The following UNC13B variants were observed in gnomAD, a reference collection of about 807,000 sequenced individuals.
The protein encoded by UNC13B is unc-13 homolog B.
Under a neutral mutation model 211.0 loss-of-function variants are expected in UNC13B, and 144 were observed. The ratio of observed to expected loss-of-function variants is 0.68; its 90% confidence interval spans 0.60 to 0.78. The LOEUF (loss-of-function observed/expected upper bound fraction) is 0.78. UNC13B is among the 30% of genes least tolerant of loss of function. The pLI, the probability that UNC13B is intolerant of heterozygous loss-of-function variation, is 0.00. For missense variants in UNC13B, 1,777 were observed against 2,002.0 expected, an observed-to-expected ratio of 0.89 and a Z score of 2.14; for synonymous variants, 709 against 725.8, an observed-to-expected ratio of 0.98 and a Z score of 0.37.
chr9:35,199,867 G>T (rs1284897257), intron 1 of UNC13B, among the ~76,000 whole-genome samples: 2 of 152,142 alleles, frequency 1.3e-5, no homozygotes, highest in South Asian at 2.1e-4. Context: ...TGTCAATTTT[G>T]GCTTTTGTTG....
At chr9:35,242,473 G>A (rs942972436) in intron 5 of UNC13B, among the ~76,000 whole-genome samples, 5 of 152,058 alleles carry the variant, frequency 3.3e-5, no homozygotes, top group South Asian at 2.1e-4. Flanking sequence ...CACTGGCAAC[G>A]ACCATTCTTT....
At chr9:35,356,910 G>T (rs764298629) in intron 11 of UNC13B, among the ~76,000 whole-genome samples, 10 of 152,156 alleles carry the variant, frequency 6.6e-5, no homozygotes, top group Non-Finnish European at 1.0e-4. Context: ...GGATGCTGTA[G>T]CATGTATCAG....
In UNC13B at chr9:35,167,358, C is replaced by T. The variant is rs561837203; in HGVS notation, c.22+5053C>T. Among the ~76,000 whole-genome samples the T allele has an allele frequency of 5.3e-5, 8 of 152,162 alleles. No individual in the cohort carries two copies. The East Asian group carries it at 1.2e-3, about 22-fold the overall frequency. ...AAAGTGCTGAGATTACAGGCATGAG[C>T]GCCTGGCCAGTGTTAATGTATTTTA... On this transcript the variant is annotated intron_variant, in intron 1 of 39. Coordinates refer to ENST00000635942, the MANE Select transcript of UNC13B (RefSeq NM_001371189.2).
At chr9:35,296,200 T>C (rs920874158) in intron 8 of UNC13B, among the ~76,000 whole-genome samples, 3 of 152,258 alleles carry the variant, frequency 2.0e-5, no homozygotes, top group African/African-American at 7.2e-5. Flanking sequence ...CGATCCCACT[T>C]GGGGTGTATC....
At position 35,303,066 on chromosome 9, in the gene UNC13B, C is replaced by A; in HGVS notation, c.3662C>A (p.Ser1221Tyr). 1 of 398,652 alleles carries A rather than the reference C, an allele frequency of 2.5e-6. No homozygotes were observed. The allele number at this position is 398,652 out of a possible 1,614,324, so 24.7% of individuals were successfully genotyped here. A position where few individuals can be genotyped will look rare whatever the true frequency, so the allele number is the denominator to read the frequency against. Residue 1221 changes from serine to tyrosine, a missense_variant, in exon 9 of 40, where the codon TCC becomes TAC. Coordinates refer to ENST00000635942, the MANE Select transcript of UNC13B (RefSeq NM_001371189.2). ...MKSLNGDNHL[S>Y]LDEVPATSCV... ...AGTTTGAATGGAGATAACCATTTAT[C>A]CTTGGATGAGGTCCCTGCTACTTCA...
chr9:35,256,806 G>A (rs1404695576), intron 6 of UNC13B, among the ~76,000 whole-genome samples: 1 of 151,984 alleles, frequency 6.6e-6, no homozygotes, highest in Non-Finnish European at 1.5e-5. Flanking sequence ...CTATTAATTA[G>A]GATTTTTGTC....
chr9:35,232,177 C>CTTATTTTTTTTTTTTTTTTT (rs1825242883), intron 3 of UNC13B, among the ~76,000 whole-genome samples: 1 of 31,536 alleles, frequency 3.2e-5, no homozygotes, highest in Non-Finnish European at 5.9e-5. Context: ...TATATTGCTG[C>CTTATTTTTTTTTTTTTTTTT]TTTTTTTTTT....
rs1435844505 is a variant in UNC13B at position 35,390,816 on chromosome 9, G to A, written c.11308+102G>A. 8 of 1,195,942 alleles carry A rather than the reference G, an allele frequency of 6.7e-6. No homozygotes were observed. The Admixed American group carries it at 1.5e-4, about 22-fold the overall frequency. The allele number at this position is 1,195,942 out of a possible 1,614,324, so 74.1% of individuals were successfully genotyped here. ...GACAACTACAAGTTCTGGGTGAGTG[G>A]TATAGTGAGAAACTAAAGGAATTCT... On this transcript the variant is annotated intron_variant, in intron 26 of 39. Coordinates refer to ENST00000635942, the MANE Select transcript of UNC13B (RefSeq NM_001371189.2).
At chr9:35,289,790 A>G (rs1828994458) in intron 7 of UNC13B, among the ~76,000 whole-genome samples, 1 of 152,074 alleles carries the variant, frequency 6.6e-6, no homozygotes, top group South Asian at 2.1e-4. Flanking sequence ...CAGCCTGGCC[A>G]ACATGGTGAA....
chr9:35,243,365 G>A lies in UNC13B; in HGVS notation c.468+1G>A. On this transcript the variant is annotated splice_donor_variant, in intron 6 of 39. Coordinates refer to ENST00000635942, the MANE Select transcript of UNC13B (RefSeq NM_001371189.2). LOFTEE classifies it high-confidence loss of function. ...CAATGCCTTGGGAGCTGACAATGAGGTAGGAGCAGCCTTATTTGCAGTATA... is the reference window on the plus strand; with the variant it reads ...CAATGCCTTGGGAGCTGACAATGAGATAGGAGCAGCCTTATTTGCAGTATA... 1 of 1,613,424 alleles carries A rather than the reference G, an allele frequency of 6.2e-7. No individual in the cohort carries two copies. Among genetic ancestry groups the A allele is most frequent in the South Asian group, 1.1e-5 (1 of 91,022 alleles).
In UNC13B at chr9:35,304,724, T is replaced by TC. The variant is rs1236621070; in HGVS notation, c.5320_5321insC (p.Leu1774SerfsTer21). 7.8e-5 allele frequency: 31 copies of TC among 398,774 alleles called. No individual in the cohort carries two copies. Among genetic ancestry groups the TC allele is most frequent in the Non-Finnish European group, 1.3e-4 (29 of 225,956 alleles). The allele number at this position is 398,774 out of a possible 1,614,324, so 24.7% of individuals were successfully genotyped here. On this transcript the variant is annotated frameshift_variant, in exon 9 of 40. Coordinates refer to ENST00000635942, the MANE Select transcript of UNC13B (RefSeq NM_001371189.2). LOFTEE classifies it high-confidence loss of function. ...TTTGAAGTTTGATAAGAGTGAATCC[T>TC]TAGAGGCTTTGGCCATGCAGAAAGT...
At chr9:35,298,236 T>A (rs946468774) in intron 8 of UNC13B, among the ~76,000 whole-genome samples, 2 of 152,122 alleles carry the variant, frequency 1.3e-5, no homozygotes, top group African/African-American at 4.8e-5. Context: ...CTGAGAAATA[T>A]AGTGAAACCT....
chr9:35,229,902 A>G (rs918182671), intron 2 of UNC13B, among the ~76,000 whole-genome samples: 1 of 152,162 alleles, frequency 6.6e-6, no homozygotes, highest in African/African-American at 2.4e-5. Context: ...ATGTTAAGCA[A>G]TGTTTGCCAA....
chr9:35,240,824 G>A (rs554679768), intron 5 of UNC13B, among the ~76,000 whole-genome samples: 35 of 152,100 alleles, frequency 2.3e-4, no homozygotes, highest in Middle Eastern at 3.4e-3. Flanking sequence ...GGGAGGCTGA[G>A]GTGGGTGGAT....
At chr9:35,228,703 AGT>A (rs56971215) in intron 2 of UNC13B, among the ~76,000 whole-genome samples, 20,082 of 140,046 alleles carry the variant, frequency 0.14, 975 homozygotes, top group Middle Eastern at 0.19. Flanking sequence ...ACATCATGAA[AGT>A]GTGTGTGTGT....
At chr9:35,372,078 T>A (rs1171216736) in intron 13 of UNC13B, 1 of 152,640 alleles carries the variant, frequency 6.6e-6, no homozygotes, top group Non-Finnish European at 1.5e-5. Flanking sequence ...GAGACTAGCC[T>A]GACCAACATA....
At chr9:35,359,876 A>G (rs1173317964) in intron 11 of UNC13B, among the ~76,000 whole-genome samples, 4 of 152,146 alleles carry the variant, frequency 2.6e-5, no homozygotes, top group Non-Finnish European at 4.4e-5. Flanking sequence ...CACAACAATC[A>G]GAGTAATCCC....
At chr9:35,208,132 C>T (rs968998890) in intron 1 of UNC13B, among the ~76,000 whole-genome samples, 1 of 152,202 alleles carries the variant, frequency 6.6e-6, no homozygotes, top group African/African-American at 2.4e-5. Flanking sequence ...ACTTTGCCAA[C>T]TTGTAAACTC....
intron 1 of UNC13B, among the ~76,000 whole-genome samples, chr9:35,203,392 A>T (rs938951059): frequency 6.6e-6 from 1 of 152,106 alleles, no homozygotes; most frequent in African/African-American, 2.4e-5. Flanking sequence ...TCTGTAAAGG[A>T]TTTTATTTCT....
Sources: gnomAD v4.1 joint callset for allele counts (sites outside exome capture counted in the v4.1 genomes callset) on GRCh38, gnomAD v4.1.1 for gene constraint, MANE v1.5 for transcripts, NCBI Gene and HGNC (gene_info 2026-07-23, HGNC 2026-07-21) for gene names.